ABL2: variants seen among roughly 807,000 people sequenced by gnomAD.
ABL2 encodes the protein tyrosine-protein kinase ABL2.
Under a neutral mutation model 107.7 loss-of-function variants are expected in ABL2, and 49 were observed. The observed-to-expected ratio is 0.45, with a 90% CI of 0.36 to 0.58. The LOEUF is 0.58. Ranked by LOEUF, ABL2 falls within the 20% of genes least tolerant of loss-of-function variation. ABL2 has a pLI of 0.00. For synonymous variants in ABL2, 549 were observed against 548.6 expected, an observed-to-expected ratio of 1.00 and a Z score of -0.01; for missense variants, 1,245 against 1,457.0, an observed-to-expected ratio of 0.85 and a Z score of 2.37.
intron 1 of ABL2, among the ~76,000 whole-genome samples, chr1:179,152,198 T>C (rs1223263615): frequency 6.6e-6 from 1 of 152,202 alleles, no homozygotes; most frequent in African/African-American, 2.4e-5. Context: ...GTTTACATTA[T>C]ACCTCTGCTC....
chr1:179,162,017 T>C (rs778773394), intron 1 of ABL2, among the ~76,000 whole-genome samples: 3 of 152,178 alleles, frequency 2.0e-5, no homozygotes, highest in Non-Finnish European at 2.9e-5. Context: ...CCGTTGATCT[T>C]GGACCTCCCA....
At chr1:179,150,325 T>C (rs988725779) in intron 1 of ABL2, among the ~76,000 whole-genome samples, 4 of 152,188 alleles carry the variant, frequency 2.6e-5, no homozygotes, top group African/African-American at 9.6e-5. Context: ...TTAGAAAGGA[T>C]CTACCATTCT....
chr1:179,228,372 C>CA (rs1428654458), intron 1 of ABL2, among the ~76,000 whole-genome samples: 3 of 151,736 alleles, frequency 2.0e-5, no homozygotes, highest in East Asian at 1.9e-4. Context: ...AAAAACAAAA[C>CA]AAAAAAACAA....
chr1:179,215,103 T>C (rs1253998419), intron 1 of ABL2, among the ~76,000 whole-genome samples: 6 of 150,778 alleles, frequency 4.0e-5, no homozygotes, highest in Admixed American at 4.0e-4. Flanking sequence ...GAGGTTGCAA[T>C]GAGCCGAGAT....
chr1:179,186,382 G>T (rs1446218083), intron 1 of ABL2, among the ~76,000 whole-genome samples: 2 of 151,994 alleles, frequency 1.3e-5, no homozygotes, highest in Non-Finnish European at 2.9e-5. Flanking sequence ...CTTTTTTGTT[G>T]TTGTTGTTGT....
At chr1:179,121,248 C>T (rs1452387795) in intron 5 of ABL2, among the ~76,000 whole-genome samples, 1 of 152,120 alleles carries the variant, frequency 6.6e-6, no homozygotes, top group Non-Finnish European at 1.5e-5. Flanking sequence ...AGAAAGAGGC[C>T]CATGACTCTC....
chr1:179,143,144 C>G, intron 1 of ABL2: 1 of 1,439,718 alleles, frequency 6.9e-7, no homozygotes, highest in Non-Finnish European at 9.2e-7. Context: ...GTGACATTTA[C>G]TCATGTACTC....
At chr1:179,179,245 C>T (rs1660226832) in intron 1 of ABL2, among the ~76,000 whole-genome samples, 1 of 152,134 alleles carries the variant, frequency 6.6e-6, no homozygotes, top group Non-Finnish European at 1.5e-5. Flanking sequence ...AAGCTTCCTA[C>T]CCAACGTCCC....
intron 1 of ABL2, among the ~76,000 whole-genome samples, chr1:179,139,531 T>C (rs1015522894): frequency 6.6e-6 from 1 of 152,202 alleles, no homozygotes; most frequent in African/African-American, 2.4e-5. Context: ...ACAGCTCCCT[T>C]CTTGCTCTCA....
At chr1:179,131,216 T>G in intron 3 of ABL2, 95 bp downstream of exon 3, 4 of 1,370,340 alleles carry the variant, frequency 2.9e-6, no homozygotes, top group South Asian at 1.4e-5. Context: ...AGTGCTGAGA[T>G]TATAGGTGTG....
At chr1:179,222,511 C>T (rs1662930765) in intron 1 of ABL2, among the ~76,000 whole-genome samples, 1 of 152,140 alleles carries the variant, frequency 6.6e-6, no homozygotes, top group African/African-American at 2.4e-5. Flanking sequence ...CTGCCTCAGC[C>T]TCTTGAGTAG....
chr1:179,157,441 G>A (rs1658768385), intron 1 of ABL2, among the ~76,000 whole-genome samples: 1 of 151,722 alleles, frequency 6.6e-6, no homozygotes, highest in Non-Finnish European at 1.5e-5. Flanking sequence ...AGGTTGCAGT[G>A]AGCCAAGATC....
intron 1 of ABL2, among the ~76,000 whole-genome samples, chr1:179,188,090 G>A (rs950806893): frequency 6.6e-6 from 1 of 152,118 alleles, no homozygotes. Context: ...CATTCTGGAA[G>A]GATATACACC....
chr1:179,210,275 G>C lies in ABL2; in HGVS notation c.157+18966C>G, dbSNP rs1443381831. 3.3e-5 allele frequency among the ~76,000 whole-genome samples: 5 copies of C among 152,302 alleles called. No homozygotes were observed. The South Asian group carries it at 8.3e-4, about 25-fold the overall frequency. On this transcript the variant is annotated intron_variant, in intron 1 of 11. Transcript: ENST00000502732. ...AATCCCAGCACTTTGAGAGGCTGAA[G>C]TGGGCGGATCACCTGAGGTAAGGAA...
At chr1:179,205,029 C>CTT (rs752957278) in intron 1 of ABL2, among the ~76,000 whole-genome samples, 13,743 of 138,128 alleles carry the variant, frequency 0.099, 792 homozygotes, top group African/African-American at 0.13. Flanking sequence ...AACTCTTTTT[C>CTT]TTTTTTTTTT....
At chr1:179,185,130 C>A (rs1471428775) in intron 1 of ABL2, among the ~76,000 whole-genome samples, 2 of 152,098 alleles carry the variant, frequency 1.3e-5, no homozygotes, top group African/African-American at 4.8e-5. Flanking sequence ...TAGCATTTAC[C>A]AATATGCATC....
intron 7 of ABL2, among the ~76,000 whole-genome samples, chr1:179,118,022 A>G (rs757984333): frequency 5.9e-5 from 9 of 151,894 alleles, no homozygotes; most frequent in Non-Finnish European, 1.0e-4. Context: ...GCATGGTGGC[A>G]TATTCCCGTA....
chr1:179,123,374 G>A (rs1453691507), intron 4 of ABL2, among the ~76,000 whole-genome samples: 3 of 151,858 alleles, frequency 2.0e-5, no homozygotes, highest in Non-Finnish European at 4.4e-5. Context: ...GCTTGGTGGT[G>A]CGTGCCTGCA....
At chr1:179,204,247 G>A (rs1406119535) in intron 1 of ABL2, among the ~76,000 whole-genome samples, 2 of 151,496 alleles carry the variant, frequency 1.3e-5, no homozygotes, top group African/African-American at 2.4e-5. Flanking sequence ...GGCTGATCTC[G>A]AACTCCTGAC....
Sources: allele counts gnomAD v4.1 joint callset (sites outside exome capture counted in the v4.1 genomes callset), GRCh38; gene constraint gnomAD v4.1.1; transcripts MANE v1.5; gene names NCBI Gene and HGNC (gene_info 2026-07-23, HGNC 2026-07-21).